Variants in UBAP2 observed in about 807,000 individuals in gnomAD.
The protein encoded by UBAP2 is ubiquitin-associated protein 2.
Under a neutral mutation model 139.6 loss-of-function variants are expected in UBAP2, and 75 were observed. That is an observed-to-expected ratio of 0.54 (90% CI 0.45 to 0.65). The LOEUF is 0.65. Among genes scored for constraint, UBAP2 ranks in the 30% least tolerant of loss-of-function variants. UBAP2 has a pLI of 0.00. For missense variants in UBAP2, 1,368 were observed against 1,369.6 expected, an observed-to-expected ratio of 1.00 and a Z score of 0.02; for synonymous variants, 526 against 526.2, an observed-to-expected ratio of 1.00 and a Z score of 0.01.
intron 26 of UBAP2, 65 bp downstream of exon 26, chr9:33,923,121 G>C: frequency 6.2e-7 from 1 of 1,612,134 alleles, no homozygotes; most frequent in Non-Finnish European, 8.5e-7. Context: ...TGCCCTGCCT[G>C]AGAGGGGATC....
chr9:34,021,564 CTG>C (rs1284592341), intron 1 of UBAP2, among the ~76,000 whole-genome samples: 1 of 151,912 alleles, frequency 6.6e-6, no homozygotes, highest in African/African-American at 2.4e-5. Context: ...TACGAACACA[CTG>C]TTTTAAAACT....
chr9:33,994,828 TAA>T (rs909343933), intron 4 of UBAP2: 1 of 152,226 alleles, frequency 6.6e-6, no homozygotes, highest in Admixed American at 6.5e-5. Flanking sequence ...TCACATCAAC[TAA>T]AAACACAGTC....
intron 21 of UBAP2, 101 bp downstream of exon 21, chr9:33,926,888 G>A: frequency 8.1e-7 from 1 of 1,232,140 alleles, no homozygotes; most frequent in Non-Finnish European, 1.2e-6. Context: ...TGGAAGGGCA[G>A]CTCAAGGTGG....
At chr9:34,011,051 C>T (rs1823713621) in intron 2 of UBAP2, among the ~76,000 whole-genome samples, 1 of 152,006 alleles carries the variant, frequency 6.6e-6, no homozygotes, top group Non-Finnish European at 1.5e-5. Flanking sequence ...GCTTTGTAAA[C>T]GTGCACAATT....
chr9:34,038,931 C>T (rs1448420844), intron 1 of UBAP2, among the ~76,000 whole-genome samples: 8 of 130,434 alleles, frequency 6.1e-5, no homozygotes, highest in African/African-American at 2.0e-4. Flanking sequence ...TCTGCCCCGC[C>T]ACCCCATCTG....
intron 1 of UBAP2, among the ~76,000 whole-genome samples, chr9:34,026,899 A>T (rs1825443630): frequency 6.6e-6 from 1 of 152,246 alleles, no homozygotes; most frequent in Admixed American, 6.6e-5. Flanking sequence ...ATAGTTCCCA[A>T]TTCAGCTTCT....
At position 33,923,257 on chromosome 9, in the gene UBAP2, TCTC is replaced by T; in HGVS notation, c.2930_2932del (p.Gly977del). ...TCCAGCATAGCCACCTTTGGAGTAG[TCTC>T]CTGCTGCTGTCCCCTGGGTCAGGTC... On this transcript the variant is annotated inframe_deletion, in exon 26 of 29. Transcript: ENST00000379238. 2 of 1,614,206 alleles carry T rather than the reference TCTC, an allele frequency of 1.2e-6. No homozygotes were observed. Among genetic ancestry groups the T allele is most frequent in the Admixed American group, 1.7e-5 (1 of 60,030 alleles).
chr9:34,027,739 T>C (rs1326303003), intron 1 of UBAP2, among the ~76,000 whole-genome samples: 1 of 150,986 alleles, frequency 6.6e-6, no homozygotes, highest in African/African-American at 2.4e-5. Context: ...CGGGTACCTG[T>C]AGCCCCAGCT....
At chr9:33,923,071 C>G in intron 26 of UBAP2, 38 bp from the exon 27 acceptor site, 3 of 1,613,854 alleles carry the variant, frequency 1.9e-6, no homozygotes, top group Non-Finnish European at 2.5e-6. Flanking sequence ...AGCAGTTGTT[C>G]CCAGCTCCAG....
chr9:34,039,377 G>A (rs907773184), intron 1 of UBAP2, among the ~76,000 whole-genome samples: 4 of 152,224 alleles, frequency 2.6e-5, no homozygotes, highest in Non-Finnish European at 4.4e-5. Flanking sequence ...TTGAGAACGG[G>A]CCATGATGAC....
At chr9:33,955,507 G>A (rs558245711) in intron 11 of UBAP2, among the ~76,000 whole-genome samples, 22 of 147,968 alleles carry the variant, frequency 1.5e-4, no homozygotes, top group African/African-American at 5.2e-4. Context: ...GCGACAGAGT[G>A]AGACTCCGTC....
At chr9:33,961,790 G>C (rs1587569871) in intron 9 of UBAP2, among the ~76,000 whole-genome samples, 1 of 152,176 alleles carries the variant, frequency 6.6e-6, no homozygotes, top group Non-Finnish European at 1.5e-5. Context: ...TGAGACAAAA[G>C]AAGTCAGGTA....
chr9:33,933,493 C>T lies in UBAP2; in HGVS notation c.2105G>A (p.Ser702Asn). The change falls in exon 18 of 29, where the codon AGC (serine) becomes AAC (asparagine). Residue 702 changes from serine (S) to asparagine (N), a missense_variant. Ser to Asn is a conservative substitution (Grantham distance 46, BLOSUM62 1). Coordinates refer to ENST00000379238, the MANE Select transcript of UBAP2 (RefSeq NM_001370062.2). ...DLTSSPLSQL[S>N]SSLSSHQSSL... is the part of the protein sequence containing the mutation. ...TGGGCCCACACCTTCCCCATACCTG[C>T]TAAGCTGAGAGAGAGGGCTGCTAGT... The T allele has an allele frequency of 6.2e-7, 1 of 1,613,720 alleles. No individual in the cohort carries two copies. Among genetic ancestry groups the T allele is most frequent in the Non-Finnish European group, 8.5e-7 (1 of 1,179,908 alleles).
rs1486358532 is a variant in UBAP2, at chr9:34,048,851, C to CCCGCTG, written c.-74_-69dup. On this transcript the variant is annotated 5_prime_UTR_variant, in exon 1 of 29. Transcript: ENST00000379238. ...GCTGCTGCTCTCGGAGGACCCAAGA[C>CCCGCTG]CCGCTGCCGCCGCCGCCGCTCGTTA... The CCCGCTG allele has an allele frequency of 1.3e-5, 2 of 152,556 alleles. No homozygotes were observed. The highest frequency in any genetic ancestry group is 2.4e-5 in the African/African-American group (1 of 41,576). The allele number at this position is 152,556 out of a possible 1,614,324, so 9.5% of individuals were successfully genotyped here. A position where few individuals can be genotyped will look rare whatever the true frequency, so the allele number is the denominator to read the frequency against.
intron 1 of UBAP2, among the ~76,000 whole-genome samples, chr9:34,027,815 T>A (rs1303948474): frequency 6.7e-6 from 1 of 149,814 alleles, no homozygotes; most frequent in Non-Finnish European, 1.5e-5. Context: ...TGAGCCGAGA[T>A]TGCACCACTG....
At chr9:33,944,223 T>C (rs2130935736) in intron 14 of UBAP2, 142 bp downstream of exon 14, 2 of 1,098,916 alleles carry the variant, frequency 1.8e-6, no homozygotes, top group Middle Eastern at 6.2e-4. Context: ...CACTCAGAAA[T>C]GGCCATATCC....
chr9:34,017,018 A>G lies in UBAP2; in HGVS notation c.99+32T>C, dbSNP rs765859262. The G allele has an allele frequency of 1.1e-4, 76 of 718,760 alleles. No individual in the cohort carries two copies. The African/African-American group carries it at 1.7e-3, about 16-fold the overall frequency. The allele number at this position is 718,760 out of a possible 1,614,324, so 44.5% of individuals were successfully genotyped here. On this transcript the variant is annotated intron_variant, in intron 2 of 28. Coordinates refer to ENST00000379238, the MANE Select transcript of UBAP2 (RefSeq NM_001370062.2). ...GTATAATAATAAAAGAAAAAAAAGG[A>G]AAAAAAAAAAAAGAGTTCCACAAAA...
intron 2 of UBAP2, among the ~76,000 whole-genome samples, chr9:34,007,638 T>G (rs765268444): frequency 7.4e-6 from 1 of 135,514 alleles, no homozygotes; most frequent in Non-Finnish European, 1.7e-5. Flanking sequence ...TCCTTGTATG[T>G]TTTATTTTTA....
chr9:33,940,516 C>G (rs988663540), intron 16 of UBAP2, among the ~76,000 whole-genome samples: 1 of 152,178 alleles, frequency 6.6e-6, no homozygotes, highest in African/African-American at 2.4e-5. Context: ...GTGGCTCACC[C>G]TATAATCCCA....
Sources: allele counts gnomAD v4.1 joint callset (sites outside exome capture counted in the v4.1 genomes callset), GRCh38; gene constraint gnomAD v4.1.1; transcripts MANE v1.5; gene names NCBI Gene and HGNC (gene_info 2026-07-23, HGNC 2026-07-21).